FBXO36: variants seen among roughly 807,000 people sequenced by gnomAD.
The protein encoded by FBXO36 is F-box protein 36.
A neutral mutation model predicts 17.0 loss-of-function variants in FBXO36; 18 were observed. The ratio of observed to expected loss-of-function variants is 1.06; its 90% CI spans 0.73 to 1.57. The LOEUF is 1.57. Ranked by LOEUF, FBXO36 falls within the 40% of genes most tolerant of loss-of-function variation. The probability of loss-of-function intolerance (pLI) is 0.00; values close to 1 mark genes in which losing one functional copy is unlikely to be tolerated. For synonymous variants in FBXO36, 83 were observed against 85.3 expected (o/e 0.97, Z 0.15); for missense variants, 229 against 221.9 (o/e 1.03, Z -0.20).
intron 1 of FBXO36, among the ~76,000 whole-genome samples, chr2:229,931,918 A>ATG (rs11441584): frequency 7.0e-6 from 1 of 142,770 alleles, no homozygotes; most frequent in Admixed American, 7.0e-5. Context: ...ATATGTGTAT[A>ATG]TATTTTTTTT....
At chr2:229,932,183 C>T (rs2076942125) in intron 1 of FBXO36, among the ~76,000 whole-genome samples, 1 of 152,064 alleles carries the variant, frequency 6.6e-6, no homozygotes, top group South Asian at 2.1e-4. Flanking sequence ...AGTTCGAGAC[C>T]AGCCTGACCA....
chr2:229,979,717 T>TA (rs767598239), intron 2 of FBXO36, among the ~76,000 whole-genome samples: 1,844 of 142,526 alleles, frequency 0.013, 31 homozygotes, highest in African/African-American at 0.042. Flanking sequence ...GAGGCGGAGT[T>TA]AAAAAAAAAA....
intron 2 of FBXO36, among the ~76,000 whole-genome samples, chr2:229,977,882 G>A (rs985409912): frequency 2.0e-5 from 3 of 152,130 alleles, no homozygotes; most frequent in Admixed American, 6.6e-5. Flanking sequence ...TGTTAATGTC[G>A]TTTAATCTTA....
intron 3 of FBXO36, among the ~76,000 whole-genome samples, chr2:229,998,807 T>TC (rs1482425520): frequency 1.3e-5 from 2 of 150,184 alleles, no homozygotes; most frequent in East Asian, 2.0e-4. Flanking sequence ...ATAATTTTTT[T>TC]TTTTTTTTTT....
At chr2:229,981,311 A>G (rs2077238333) in intron 2 of FBXO36, among the ~76,000 whole-genome samples, 1 of 152,138 alleles carries the variant, frequency 6.6e-6, no homozygotes, top group Admixed American at 6.6e-5. Flanking sequence ...TAACACAGTG[A>G]GACCACCCCC....
rs147507981 is a variant in FBXO36 at position 230,000,731 on chromosome 2, A to T, written c.378+3808A>T. ...CATAATTTAGCCAGTGCTCTGAAGT[A>T]GGTCTTCTCTAGGTTGCTGATTTCA... On this transcript the variant is annotated intron_variant, in intron 3 of 3. Transcript: ENST00000283946. Among the ~76,000 whole-genome samples, 15 of 152,072 alleles carry T rather than the reference A, an allele frequency of 9.9e-5. No homozygotes were observed. The East Asian group carries it at 2.7e-3, about 27-fold the overall frequency.
intron 1 of FBXO36, among the ~76,000 whole-genome samples, chr2:229,951,328 C>G (rs2077056859): frequency 6.6e-6 from 1 of 151,816 alleles, no homozygotes; most frequent in Admixed American, 6.6e-5. Context: ...ACTACAACCT[C>G]CGCCTCCTGG....
chr2:229,925,148 C>T (rs1285690837), intron 1 of FBXO36, among the ~76,000 whole-genome samples: 1 of 151,408 alleles, frequency 6.6e-6, no homozygotes, highest in East Asian at 1.9e-4. Context: ...AAGTGAAAAA[C>T]TCTCCTTTAT....
At chr2:229,928,762 G>A (rs1301353910) in intron 1 of FBXO36, among the ~76,000 whole-genome samples, 1 of 151,922 alleles carries the variant, frequency 6.6e-6, no homozygotes, top group Non-Finnish European at 1.5e-5. Flanking sequence ...GAGGATTTTT[G>A]GTGTTTTTGT....
rs202219810 is a variant in FBXO36, at chr2:229,922,538, C to T, written c.25C>T (p.Leu9Phe). The change falls in exon 1 of 4, where the codon CTC becomes TTC. Residue 9 changes from leucine (L) to phenylalanine (F), a missense_variant. By Grantham distance (22) the Leu-to-Phe change is conservative. Coordinates refer to ENST00000283946, the MANE Select transcript of FBXO36 (RefSeq NM_174899.5). MASWLPET[L>F]FETVGQGPPP... Reference sequence around the variant, plus strand: ...GATGGCGTCGTGGCTGCCGGAGACTCTCTTTGAAACTGTAGGACAAGGCCC... The same window carrying T: ...GATGGCGTCGTGGCTGCCGGAGACTTTCTTTGAAACTGTAGGACAAGGCCC... 2.4e-5 allele frequency: 38 copies of T among 1,613,984 alleles called. No individual in the cohort carries two copies. Among genetic ancestry groups the T allele is most frequent in the Non-Finnish European group, 3.1e-5 (36 of 1,180,000 alleles).
chr2:229,989,301 A>G (rs979736139), intron 2 of FBXO36, among the ~76,000 whole-genome samples: 3 of 152,148 alleles, frequency 2.0e-5, no homozygotes, highest in South Asian at 4.1e-4. Context: ...CTTGTTGCCT[A>G]GGCTGGAATG....
At chr2:229,934,229 G>A (rs1186176850) in intron 1 of FBXO36, among the ~76,000 whole-genome samples, 7 of 151,572 alleles carry the variant, frequency 4.6e-5, no homozygotes, top group African/African-American at 9.7e-5. Flanking sequence ...GTGAAACCCC[G>A]TCTCTACTAA....
At chr2:229,926,207 A>G (rs377368042) in intron 1 of FBXO36, among the ~76,000 whole-genome samples, 12 of 151,830 alleles carry the variant, frequency 7.9e-5, no homozygotes, top group African/African-American at 2.9e-4. Context: ...ACACAGGCAG[A>G]TCACTTGAGG....
At chr2:229,972,674 T>A (rs566531352) in intron 1 of FBXO36, among the ~76,000 whole-genome samples, 1 of 152,086 alleles carries the variant, frequency 6.6e-6, no homozygotes, top group East Asian at 1.9e-4. Flanking sequence ...TCCCACTGCC[T>A]CAGCCTCCCA....
chr2:229,928,631 T>A (rs1431215294), intron 1 of FBXO36, among the ~76,000 whole-genome samples: 1 of 152,198 alleles, frequency 6.6e-6, no homozygotes, highest in East Asian at 1.9e-4. Flanking sequence ...ATTGAATAGC[T>A]TTGATAGCTG....
chr2:229,948,187 G>A lies in FBXO36; in HGVS notation c.96+25578G>A, dbSNP rs551743400. Among the ~76,000 whole-genome samples the A allele has an allele frequency of 2.6e-5, 4 of 152,168 alleles. No individual in the cohort carries two copies. The East Asian group carries it at 5.8e-4, about 22-fold the overall frequency. On this transcript the variant is annotated intron_variant, in intron 1 of 3. Transcript: ENST00000283946. ...AATAAACATTTAAGAAGTTAAGGCA[G>A]AGGAACACTTGTGTCCCCACATTTA...
intron 1 of FBXO36, among the ~76,000 whole-genome samples, chr2:229,947,267 A>G (rs896904375): frequency 1.4e-4 from 21 of 152,228 alleles, no homozygotes; most frequent in African/African-American, 5.1e-4. Context: ...TTGTGACTAT[A>G]TGATATGAAT....
intron 2 of FBXO36, among the ~76,000 whole-genome samples, chr2:229,989,818 C>A (rs1174440258): frequency 6.6e-6 from 1 of 151,892 alleles, no homozygotes; most frequent in East Asian, 1.9e-4. Context: ...CGTGATCCAC[C>A]CGCCTCGGCC....
intron 1 of FBXO36, among the ~76,000 whole-genome samples, chr2:229,972,199 G>A (rs2077184373): frequency 6.7e-6 from 1 of 149,000 alleles, no homozygotes; most frequent in Non-Finnish European, 1.5e-5. Context: ...TCACCATGTT[G>A]GACAGGCCTG....
Sources: allele counts gnomAD v4.1 joint callset (sites outside exome capture counted in the v4.1 genomes callset), GRCh38; gene constraint gnomAD v4.1.1; transcripts MANE v1.5; gene names NCBI Gene and HGNC (gene_info 2026-07-23, HGNC 2026-07-21).